KCNJ3: variants seen among roughly 807,000 people sequenced by gnomAD.
KCNJ3 encodes the protein G protein-activated inward rectifier potassium channel 1.
KCNJ3 carries 4 observed loss-of-function variants against 39.2 expected under a neutral mutation model. The ratio of observed to expected loss-of-function variants is 0.10; its 90% CI spans 0.05 to 0.23. The LOEUF (loss-of-function observed/expected upper bound fraction) is 0.23, where lower values mean the gene tolerates loss of function less well. Among genes scored for constraint, KCNJ3 ranks in the 10% least tolerant of loss-of-function variants. KCNJ3 has a pLI of 1.00. For missense variants in KCNJ3, 276 were observed against 634.9 expected, an observed-to-expected ratio of 0.43 and a Z score of 6.08; for synonymous variants, 230 against 237.4, an observed-to-expected ratio of 0.97 and a Z score of 0.29.
At chr2:154,779,840 A>G (rs1280534856) in intron 2 of KCNJ3, among the ~76,000 whole-genome samples, 1 of 152,056 alleles carries the variant, frequency 6.6e-6, no homozygotes, top group Non-Finnish European at 1.5e-5. Context: ...ACACCCAGCC[A>G]AGTTTGAATC....
chr2:154,797,642 A>G (rs1305619147), intron 2 of KCNJ3, among the ~76,000 whole-genome samples: 1 of 152,048 alleles, frequency 6.6e-6, no homozygotes, highest in East Asian at 1.9e-4. Flanking sequence ...TAATCACTAT[A>G]TATAAATATA....
chr2:154,757,499 A>G (rs1685961947), intron 2 of KCNJ3, among the ~76,000 whole-genome samples: 1 of 152,058 alleles, frequency 6.6e-6, no homozygotes, highest in Admixed American at 6.6e-5. Context: ...CCCATTCTAT[A>G]TATTGCATAT....
At chr2:154,789,019 T>C (rs1168063538) in intron 2 of KCNJ3, among the ~76,000 whole-genome samples, 1 of 152,072 alleles carries the variant, frequency 6.6e-6, no homozygotes, top group Non-Finnish European at 1.5e-5. Flanking sequence ...GAGAAACCAT[T>C]ACCACATGGT....
rs1352392489 is a variant in KCNJ3 at position 154,718,720 on chromosome 2, G to A, written c.919+8901G>A. On this transcript the variant is annotated intron_variant, in intron 2 of 2. Coordinates refer to ENST00000295101, the MANE Select transcript of KCNJ3 (RefSeq NM_002239.4). ...AATATTTGCACATACGTTATTTTCT[G>A]TATGGTTTTCATTGCAGTGTTTTAT... 2.0e-5 allele frequency among the ~76,000 whole-genome samples: 3 copies of A among 152,106 alleles called. No individual in the cohort carries two copies. In the East Asian group the frequency reaches 5.8e-4, roughly 29 times the overall value.
At chr2:154,804,974 T>G (rs1686884887) in intron 2 of KCNJ3, among the ~76,000 whole-genome samples, 1 of 152,140 alleles carries the variant, frequency 6.6e-6, no homozygotes, top group Non-Finnish European at 1.5e-5. Context: ...ATGGATTATA[T>G]TCCAGAAATT....
At chr2:154,821,441 C>T (rs1687176358) in intron 2 of KCNJ3, among the ~76,000 whole-genome samples, 1 of 151,878 alleles carries the variant, frequency 6.6e-6, no homozygotes, top group Admixed American at 6.6e-5. Context: ...AAATATTTTC[C>T]CTGTATCCCT....
At chr2:154,776,958 G>T (rs1203797478) in intron 2 of KCNJ3, among the ~76,000 whole-genome samples, 1 of 151,922 alleles carries the variant, frequency 6.6e-6, no homozygotes, top group Non-Finnish European at 1.5e-5. Context: ...CACATACCAG[G>T]CACACTCCAT....
At chr2:154,854,069 C>T (rs915378145) in intron 2 of KCNJ3, among the ~76,000 whole-genome samples, 3 of 152,130 alleles carry the variant, frequency 2.0e-5, no homozygotes, top group Non-Finnish European at 2.9e-5. Context: ...ACCTTTTATT[C>T]GTTTAACAAA....
At chr2:154,822,516 T>C (rs1323427846) in intron 2 of KCNJ3, among the ~76,000 whole-genome samples, 1 of 152,166 alleles carries the variant, frequency 6.6e-6, no homozygotes, top group Non-Finnish European at 1.5e-5. Flanking sequence ...TTCTTTCCAC[T>C]TGTCATTCCT....
rs115353446 is a variant in KCNJ3, at chr2:154,846,419, T to C, written c.920-8308T>C. On this transcript the variant is annotated intron_variant, in intron 2 of 2. Transcript: ENST00000295101. Reference sequence around the variant, plus strand: ...GATCAGTGATTGAACCTTTATTATTTACCAGCTAATATAGTAGGCCCATAA... The same window carrying C: ...GATCAGTGATTGAACCTTTATTATTCACCAGCTAATATAGTAGGCCCATAA... Among the ~76,000 whole-genome samples, 427 of 152,294 alleles carry C rather than the reference T, an allele frequency of 2.8e-3. 2 individuals are homozygous for C. The highest frequency in any genetic ancestry group is 5.1e-3 in the Non-Finnish European group (347 of 68,012).
At chr2:154,768,865 A>G (rs2105194565) in intron 2 of KCNJ3, among the ~76,000 whole-genome samples, 1 of 152,132 alleles carries the variant, frequency 6.6e-6, no homozygotes, top group Non-Finnish European at 1.5e-5. Context: ...TATTTCCTTG[A>G]GCAGTGGTTT....
chr2:154,804,918 T>C, intron 2 of KCNJ3, among the ~76,000 whole-genome samples: 1 of 152,120 alleles, frequency 6.6e-6, no homozygotes, highest in East Asian at 1.9e-4. Flanking sequence ...GTTGTTTATA[T>C]TAAAATGTGT....
At chr2:154,792,080 T>G (rs1216792245) in intron 2 of KCNJ3, among the ~76,000 whole-genome samples, 1 of 152,074 alleles carries the variant, frequency 6.6e-6, no homozygotes, top group Non-Finnish European at 1.5e-5. Context: ...AGCAGTCCAC[T>G]GCCGTCATCT....
intron 1 of KCNJ3, among the ~76,000 whole-genome samples, chr2:154,706,878 A>G (rs1685019977): frequency 6.6e-6 from 1 of 152,026 alleles, no homozygotes; most frequent in Admixed American, 6.6e-5. Flanking sequence ...CCACATTAAA[A>G]CCACACCCTT....
At chr2:154,783,314 C>T (rs145070347) in intron 2 of KCNJ3, among the ~76,000 whole-genome samples, 13 of 152,306 alleles carry the variant, frequency 8.5e-5, no homozygotes, top group Non-Finnish European at 1.9e-4. Context: ...GTGCATTTTG[C>T]ATAACTCAGG....
At chr2:154,802,229 A>G (rs1050979672) in intron 2 of KCNJ3, among the ~76,000 whole-genome samples, 6 of 151,236 alleles carry the variant, frequency 4.0e-5, no homozygotes, top group Non-Finnish European at 7.4e-5. Context: ...CTTATGCGCT[A>G]CCTGTAGCTT....
Position 154,840,500 on chromosome 2 carries a change from G to A in KCNJ3, c.920-14227G>A, listed in dbSNP as rs558570188. On this transcript the variant is annotated intron_variant, in intron 2 of 2. Coordinates refer to ENST00000295101, the MANE Select transcript of KCNJ3 (RefSeq NM_002239.4). Reference sequence around the variant, plus strand: ...AGTCATTGGTAGCTTGATGGGGATGGCATTTAATCTATAAATTACTTTGGG... The same window carrying A: ...AGTCATTGGTAGCTTGATGGGGATGACATTTAATCTATAAATTACTTTGGG... 3.5e-3 allele frequency among the ~76,000 whole-genome samples: 528 copies of A among 152,202 alleles called. 2 individuals are homozygous for A. The highest frequency in any genetic ancestry group is 6.8e-3 in the Middle Eastern group (2 of 294).
intron 2 of KCNJ3, among the ~76,000 whole-genome samples, chr2:154,762,729 T>A (rs1686066600): frequency 6.6e-6 from 1 of 152,132 alleles, no homozygotes; most frequent in Non-Finnish European, 1.5e-5. Flanking sequence ...GGGGCCCACA[T>A]GAAGGAAGGA....
rs114698563 is a variant in KCNJ3 at position 154,704,952 on chromosome 2, G to C, written c.703-4651G>C. On this transcript the variant is annotated intron_variant, in intron 1 of 2. Coordinates refer to ENST00000295101, the MANE Select transcript of KCNJ3 (RefSeq NM_002239.4). ...AAAATGGTGGGGAGGTGGTAAGCAA[G>C]AATGGCTTGCTCTCTCCGTCTTAGC... Among the ~76,000 whole-genome samples the C allele has an allele frequency of 8.2e-3, 1,246 of 152,284 alleles. 12 individuals carry two copies. The highest frequency in any genetic ancestry group is 0.028 in the African/African-American group (1,168 of 41,560).
Sources: gnomAD v4.1 joint callset for allele counts (sites outside exome capture counted in the v4.1 genomes callset) on GRCh38, gnomAD v4.1.1 for gene constraint, MANE v1.5 for transcripts, NCBI Gene and HGNC (gene_info 2026-07-23, HGNC 2026-07-21) for gene names.